The following VWC2L variants were observed in gnomAD, a reference collection of about 807,000 sequenced individuals.
The protein encoded by VWC2L is von Willebrand factor C domain containing 2 like.
In VWC2L, 10 loss-of-function variants were observed where a neutral mutation model predicts 21.6. The observed-to-expected ratio is 0.46, with a 90% confidence interval of 0.29 to 0.78. The LOEUF is 0.78. Ranked by LOEUF, VWC2L falls within the 30% of genes least tolerant of loss-of-function variation. The probability of loss-of-function intolerance (pLI) is 0.10; values close to 1 mark genes in which losing one functional copy is unlikely to be tolerated. For missense variants in VWC2L, 209 were observed against 277.1 expected (o/e 0.75, Z 1.74); for synonymous variants, 96 against 94.3 (o/e 1.02, Z -0.10).
intron 3 of VWC2L, among the ~76,000 whole-genome samples, chr2:214,560,583 T>C (rs532655059): frequency 1.3e-5 from 2 of 152,328 alleles, no homozygotes; most frequent in East Asian, 3.9e-4. Context: ...TCGTCAGAAG[T>C]AGAAGGTTTG....
intron 3 of VWC2L, among the ~76,000 whole-genome samples, chr2:214,484,568 G>A (rs1688650483): frequency 6.6e-6 from 1 of 152,122 alleles, no homozygotes; most frequent in Non-Finnish European, 1.5e-5. Context: ...GCAGAACAAT[G>A]GAAAATCATC....
Position 214,575,920 on chromosome 2 carries a change from T to C in VWC2L, c.*100T>C. Reference sequence around the variant, plus strand: ...ACAAAACAAACAAACTCCTGCCAGCTACAACAGGGTCACCAGCAAAACTTT... The same window carrying C: ...ACAAAACAAACAAACTCCTGCCAGCCACAACAGGGTCACCAGCAAAACTTT... On this transcript the variant is annotated 3_prime_UTR_variant, in exon 4 of 4. Coordinates refer to ENST00000312504, the MANE Select transcript of VWC2L (RefSeq NM_001080500.4). 2 of 1,377,272 alleles carry C rather than the reference T, an allele frequency of 1.5e-6. No homozygotes were observed. The highest frequency in any genetic ancestry group is 2.0e-6 in the Non-Finnish European group (2 of 1,021,374). The allele number at this position is 1,377,272 out of a possible 1,614,324, so 85.3% of individuals were successfully genotyped here.
At chr2:214,539,896 T>C (rs969159936) in intron 3 of VWC2L, among the ~76,000 whole-genome samples, 1 of 152,156 alleles carries the variant, frequency 6.6e-6, no homozygotes, top group Non-Finnish European at 1.5e-5. Flanking sequence ...CTTGAATATA[T>C]TTTTAATGCT....
chr2:214,558,338 G>T (rs1689906920), intron 3 of VWC2L, among the ~76,000 whole-genome samples: 1 of 152,066 alleles, frequency 6.6e-6, no homozygotes, highest in South Asian at 2.1e-4. Context: ...TTTTCCAGGG[G>T]TTCCACCTCT....
At chr2:214,430,094 G>T (rs1574560219) in intron 2 of VWC2L, among the ~76,000 whole-genome samples, 1 of 151,868 alleles carries the variant, frequency 6.6e-6, no homozygotes, top group Non-Finnish European at 1.5e-5. Context: ...AAATTGCTGG[G>T]ATTACAAGCG....
intron 3 of VWC2L, among the ~76,000 whole-genome samples, chr2:214,453,431 A>G (rs896442650): frequency 6.6e-6 from 1 of 152,176 alleles, no homozygotes; most frequent in Non-Finnish European, 1.5e-5. Flanking sequence ...GTTTTACCAA[A>G]GTTGTTTAGC....
chr2:214,479,124 A>G (rs1688565941), intron 3 of VWC2L, among the ~76,000 whole-genome samples: 2 of 152,188 alleles, frequency 1.3e-5, no homozygotes, highest in Non-Finnish European at 2.9e-5. Context: ...CCCAAGGATC[A>G]TGGGAGAGGT....
intron 3 of VWC2L, among the ~76,000 whole-genome samples, chr2:214,562,210 T>C (rs1574637914): frequency 6.6e-6 from 1 of 152,156 alleles, no homozygotes; most frequent in African/African-American, 2.4e-5. Flanking sequence ...GTTCTCATTG[T>C]TCAGCTCCCA....
At position 214,504,667 on chromosome 2, in the gene VWC2L, A is replaced by C. The variant is rs542738664; in HGVS notation, c.520+67909A>C. ...TAGGAAAGCCCATGACGTGGCCCGC[A>C]GCATGAACTGGCATTAGTGGTTATT... On this transcript the variant is annotated intron_variant, in intron 3 of 3. Transcript: ENST00000312504. Among the ~76,000 whole-genome samples, 100 of 152,200 alleles carry C rather than the reference A, an allele frequency of 6.6e-4. 1 individual carries two copies. Among genetic ancestry groups the C allele is most frequent in the Non-Finnish European group, 1.1e-3 (74 of 68,034 alleles).
chr2:214,524,353 G>C (rs1689293272), intron 3 of VWC2L, among the ~76,000 whole-genome samples: 1 of 152,034 alleles, frequency 6.6e-6, no homozygotes, highest in African/African-American at 2.4e-5. Flanking sequence ...AGATGACCAG[G>C]TCTGTTTCCG....
intron 3 of VWC2L, among the ~76,000 whole-genome samples, chr2:214,481,155 C>T (rs1484089607): frequency 6.6e-6 from 1 of 152,176 alleles, no homozygotes; most frequent in Non-Finnish European, 1.5e-5. Flanking sequence ...TGTGACTCTG[C>T]TTTTCCCATT....
At chr2:214,544,266 G>C (rs1223549486) in intron 3 of VWC2L, among the ~76,000 whole-genome samples, 5 of 152,140 alleles carry the variant, frequency 3.3e-5, no homozygotes, top group Non-Finnish European at 2.9e-5. Flanking sequence ...ATAGATTAGA[G>C]AGCCCTGTTG....
intron 2 of VWC2L, among the ~76,000 whole-genome samples, chr2:214,415,632 G>A (rs1027717903): frequency 1.3e-5 from 2 of 152,050 alleles, no homozygotes; most frequent in Admixed American, 1.3e-4. Context: ...TAGAAAAAAG[G>A]TCTCAACTGA....
rs1260891422 is a variant in VWC2L at position 214,577,216 on chromosome 2, A to C, written c.*1396A>C. 2 of 152,134 alleles carry C rather than the reference A, an allele frequency of 1.3e-5. No homozygotes were observed. Among genetic ancestry groups the C allele is most frequent in the Admixed American group, 1.3e-4 (2 of 15,262 alleles). The allele number at this position is 152,134 out of a possible 1,614,324, so 9.4% of individuals were successfully genotyped here. On this transcript the variant is annotated 3_prime_UTR_variant, in exon 4 of 4. Coordinates refer to ENST00000312504, the MANE Select transcript of VWC2L (RefSeq NM_001080500.4). ...TTGAAGAGACTTTACAGTTGTCTTT[A>C]TTATCAATGTTCTTTCTTTTTCTGC...
chr2:214,551,885 C>T (rs1048306139), intron 3 of VWC2L, among the ~76,000 whole-genome samples: 1 of 152,236 alleles, frequency 6.6e-6, no homozygotes, highest in African/African-American at 2.4e-5. Flanking sequence ...ACTGCATGCA[C>T]TCACCCCCAG....
intron 3 of VWC2L, among the ~76,000 whole-genome samples, chr2:214,539,860 T>G (rs1689600429): frequency 6.6e-6 from 1 of 152,180 alleles, no homozygotes. Context: ...CTAAAATAAT[T>G]TTTTAAAGTA....
At chr2:214,472,396 GAAGA>G (rs1295255196) in intron 3 of VWC2L, 1 of 152,220 alleles carries the variant, frequency 6.6e-6, no homozygotes, top group Admixed American at 6.5e-5. Context: ...CTAGAATTAG[GAAGA>G]AAGTAGAAAT....
At chr2:214,434,769 CA>C (rs1187189284) in intron 2 of VWC2L, among the ~76,000 whole-genome samples, 6 of 152,158 alleles carry the variant, frequency 3.9e-5, no homozygotes, top group Admixed American at 1.3e-4. Flanking sequence ...AATAGTTCAA[CA>C]AATTTTTCTT....
chr2:214,573,775 C>A (rs2105935606), intron 3 of VWC2L, among the ~76,000 whole-genome samples: 1 of 152,310 alleles, frequency 6.6e-6, no homozygotes, highest in Non-Finnish European at 1.5e-5. Flanking sequence ...ACTTAAATCC[C>A]AAGACCTATG....
Sources: gnomAD v4.1 joint callset for allele counts (sites outside exome capture counted in the v4.1 genomes callset) on GRCh38, gnomAD v4.1.1 for gene constraint, MANE v1.5 for transcripts, NCBI Gene and HGNC (gene_info 2026-07-23, HGNC 2026-07-21) for gene names.